Variants in METTL14 observed in about 807,000 individuals in gnomAD.
METTL14 encodes methyltransferase 14, N6-adenosine-methyltransferase non-catalytic subunit, also known as N(6)-adenosine-methyltransferase non-catalytic subunit METTL14.
A neutral mutation model predicts 62.4 loss-of-function variants in METTL14; 32 were observed. That is an observed-to-expected ratio of 0.51 (90% CI 0.39 to 0.69). The LOEUF (loss-of-function observed/expected upper bound fraction) is 0.69. Among genes scored for constraint, METTL14 ranks in the 30% least tolerant of loss-of-function variants. The pLI is 0.00. For missense variants in METTL14, 340 were observed against 551.9 expected (o/e 0.62, Z 3.85); for synonymous variants, 150 against 180.0 (o/e 0.83, Z 1.34).
At chr4:118,692,232 T>C (rs1724272335) in intron 5 of METTL14, among the ~76,000 whole-genome samples, 164 bp downstream of exon 5, 1 of 150,410 alleles carries the variant, frequency 6.6e-6, no homozygotes, top group South Asian at 2.1e-4. Flanking sequence ...TTTTCTTTTT[T>C]TTTTTTTTTT....
intron 1 of METTL14, chr4:118,686,674 T>A (rs751547420): frequency 2.2e-6 from 1 of 455,948 alleles, no homozygotes; most frequent in South Asian, 1.6e-5. Flanking sequence ...TTCGCCAACT[T>A]CTTTTATCGT....
At chr4:118,691,028 C>T (rs1339634171) in intron 3 of METTL14, among the ~76,000 whole-genome samples, 1 of 151,790 alleles carries the variant, frequency 6.6e-6, no homozygotes, top group Non-Finnish European at 1.5e-5. Context: ...CTAGAAAGTT[C>T]AGTGAAATAA....
intron 9 of METTL14, among the ~76,000 whole-genome samples, chr4:118,704,285 A>G (rs1339108948): frequency 6.6e-6 from 1 of 152,190 alleles, no homozygotes; most frequent in African/African-American, 2.4e-5. Flanking sequence ...CATGTCCTAA[A>G]TGCCATATTT....
At chr4:118,709,657 CATAAATAGGAAGATTATAT>C (rs1448090566) in intron 10 of METTL14, among the ~76,000 whole-genome samples, 3 of 152,084 alleles carry the variant, frequency 2.0e-5, no homozygotes, top group Non-Finnish European at 4.4e-5. Flanking sequence ...GCACCATTTA[CATAAATAGGAAGATTATAT>C]ATAATTTATT....
intron 2 of METTL14, 94 bp from the exon 3 acceptor site, chr4:118,689,271 TTTGTC>T: frequency 1.7e-6 from 1 of 576,172 alleles, no homozygotes; most frequent in Non-Finnish European, 2.9e-6. Context: ...TCAGGAAAAA[TTTGTC>T]TTGTTCTGTT....
chr4:118,692,003 A>G lies in METTL14; in HGVS notation c.347A>G (p.His116Arg). 1.9e-6 allele frequency: 3 copies of G among 1,611,600 alleles called. No individual in the cohort carries two copies. The highest frequency in any genetic ancestry group is 2.5e-6 in the Non-Finnish European group (3 of 1,178,522). The change falls in exon 5 of 11, where the codon CAT (histidine) becomes CGT (arginine). Residue 116 changes from histidine to arginine, a missense_variant. Transcript: ENST00000388822. Reference sequence around the variant, plus strand: ...TAGGGAACACAGAGCTTAAATCCCCATAATGATTACTGCCAACATTTTGTA... The same window carrying G: ...TAGGGAACACAGAGCTTAAATCCCCGTAATGATTACTGCCAACATTTTGTA... ...FLKGTQSLNP[H>R]NDYCQHFVDT...
chr4:118,691,914 C>T, intron 4 of METTL14, 67 bp from the exon 5 acceptor site: 1 of 991,410 alleles, frequency 1.0e-6, no homozygotes, highest in Non-Finnish European at 1.6e-6. Flanking sequence ...TAATAGAAAA[C>T]AGTACAGAGA....
At chr4:118,700,699 G>C in intron 8 of METTL14, 57 bp downstream of exon 8, 2 of 1,225,010 alleles carry the variant, frequency 1.6e-6, no homozygotes, top group South Asian at 2.7e-5. Context: ...AAATGTAACA[G>C]TATGTTGCAT....
At position 118,710,387 on chromosome 4, in the gene METTL14, T is replaced by C. The variant is rs536459723; in HGVS notation, c.*85T>C. 1.7e-5 allele frequency: 22 copies of C among 1,330,084 alleles called. 1 individual carries two copies. In the East Asian group the frequency reaches 4.6e-4, roughly 28 times the overall value. The allele number at this position is 1,330,084 out of a possible 1,614,324, so 82.4% of individuals were successfully genotyped here. Reference sequence around the variant, plus strand: ...CAAGTGGGAGACTTAACTTTAGAACTCACTTCCAGCTTGCACTTTGCTTTA... The same window carrying C: ...CAAGTGGGAGACTTAACTTTAGAACCCACTTCCAGCTTGCACTTTGCTTTA... On this transcript the variant is annotated 3_prime_UTR_variant, in exon 11 of 11. Transcript: ENST00000388822.
rs70941201 is a variant in METTL14, at chr4:118,696,117, C to CAAAAA, written c.504-1041_504-1037dup. Among the ~76,000 whole-genome samples, 130 of 33,904 alleles carry CAAAAA rather than the reference C, an allele frequency of 3.8e-3. 15 individuals carry two copies. Among genetic ancestry groups the CAAAAA allele is most frequent in the African/African-American group, 0.01 (61 of 6,014 alleles). 22.2% of individuals were successfully genotyped at this position (33,904 alleles called of 152,430 possible). A position where few individuals can be genotyped will look rare whatever the true frequency, so the allele number is the denominator to read the frequency against. ...CTGGCAACAGAGTGAGACTCTGTCTCAAAAAAAAAAAAAAAAAAAAAAAAA... is the reference window on the plus strand; with the variant it reads ...CTGGCAACAGAGTGAGACTCTGTCTCAAAAAAAAAAAAAAAAAAAAAAAAAAAAAA... On this transcript the variant is annotated intron_variant, in intron 6 of 10. Coordinates refer to ENST00000388822, the MANE Select transcript of METTL14 (RefSeq NM_020961.4).
intron 1 of METTL14, chr4:118,686,458 A>C: frequency 2.5e-6 from 1 of 397,134 alleles, no homozygotes; most frequent in South Asian, 1.9e-5. Context: ...CATAGAGTGT[A>C]ATTAGTCATC....
intron 5 of METTL14, among the ~76,000 whole-genome samples, chr4:118,693,725 T>C (rs571624267): frequency 1.3e-5 from 2 of 152,282 alleles, no homozygotes; most frequent in Admixed American, 1.3e-4. Flanking sequence ...AGAAAACTAT[T>C]ACAGATTGAG....
At chr4:118,686,031 T>C (rs1426711154) in intron 1 of METTL14, among the ~76,000 whole-genome samples, 1 of 152,256 alleles carries the variant, frequency 6.6e-6, no homozygotes, top group African/African-American at 2.4e-5. Context: ...GACATCTTTC[T>C]GAAGACAACA....
At position 118,703,943 on chromosome 4, in the gene METTL14, A is replaced by G; in HGVS notation, c.747A>G (p.Arg249=). ...AATTCTTTTGTTTCTAGTGTTTACG[A>G]AAATGGGGTTACAGAAGATGTGAAG... ...EGLDLGRVCL[R]KWGYRRCEDI... The change falls in exon 9 of 11, where the codon CGA becomes CGG. Residue 249 remains arginine, a synonymous_variant. Transcript: ENST00000388822. 6.4e-7 allele frequency: 1 copy of G among 1,557,770 alleles called. No homozygotes were observed.
At chr4:118,697,431 A>G in intron 7 of METTL14, 108 bp downstream of exon 7, 2 of 941,688 alleles carry the variant, frequency 2.1e-6, no homozygotes, top group Admixed American at 3.3e-5. Context: ...TGTAGGGATT[A>G]TAAATGTAGA....
chr4:118,698,385 G>A (rs957944339), intron 7 of METTL14, among the ~76,000 whole-genome samples: 1 of 150,544 alleles, frequency 6.6e-6, no homozygotes, highest in South Asian at 2.1e-4. Flanking sequence ...CCCGGGAAGC[G>A]GAGGTTGCAG....
intron 7 of METTL14, among the ~76,000 whole-genome samples, chr4:118,699,035 A>C: frequency 6.6e-6 from 1 of 152,188 alleles, no homozygotes. Context: ...GAGAGTATGA[A>C]TGTAATGGAA....
chr4:118,708,704 A>G (rs919123674), intron 10 of METTL14, among the ~76,000 whole-genome samples: 3 of 152,214 alleles, frequency 2.0e-5, no homozygotes, highest in Admixed American at 6.5e-5. Flanking sequence ...TGATGCATCT[A>G]CTTTTCTAAG....
At chr4:118,699,891 A>G (rs988635997) in intron 7 of METTL14, among the ~76,000 whole-genome samples, 2 of 152,190 alleles carry the variant, frequency 1.3e-5, no homozygotes, top group African/African-American at 2.4e-5. Flanking sequence ...AATAAACAAA[A>G]TGTAAATAAG....
Sources: gnomAD v4.1 joint callset for allele counts (sites outside exome capture counted in the v4.1 genomes callset) on GRCh38, gnomAD v4.1.1 for gene constraint, MANE v1.5 for transcripts, NCBI Gene and HGNC (gene_info 2026-07-23, HGNC 2026-07-21) for gene names.